Variants in KLHL32 observed in about 807,000 individuals in gnomAD.
KLHL32 encodes the protein kelch-like protein 32.
KLHL32 carries 35 observed loss-of-function variants against 64.8 expected under a neutral mutation model. The ratio of observed to expected loss-of-function variants is 0.54; its 90% CI spans 0.41 to 0.72. The LOEUF (loss-of-function observed/expected upper bound fraction) is 0.72, where lower values mean the gene tolerates loss of function less well. Ranked by LOEUF, KLHL32 falls within the 30% of genes least tolerant of loss-of-function variation. The pLI, the probability that KLHL32 is intolerant of heterozygous loss-of-function variation, is 0.00. For missense variants in KLHL32, 589 were observed against 768.5 expected (o/e 0.77, Z 2.76); for synonymous variants, 259 against 281.0 (o/e 0.92, Z 0.78).
intron 3 of KLHL32, among the ~76,000 whole-genome samples, chr6:96,987,505 A>T (rs923408021): frequency 1.3e-5 from 2 of 152,222 alleles, no homozygotes; most frequent in African/African-American, 4.8e-5. Context: ...AAGAATCAAT[A>T]TCATGAAAAT....
At chr6:96,950,789 G>T (rs1276349728) in intron 1 of KLHL32, among the ~76,000 whole-genome samples, 2 of 152,164 alleles carry the variant, frequency 1.3e-5, no homozygotes, top group African/African-American at 2.4e-5. Flanking sequence ...TGTCCTCTTT[G>T]CCATAGACAT....
the KLHL32 span, among the ~76,000 whole-genome samples, chr6:96,898,389 C>G: frequency 6.6e-6 from 1 of 152,136 alleles, no homozygotes; most frequent in East Asian, 1.9e-4. Context: ...AAAGGATGTT[C>G]CCTTTCGATG....
chr6:97,067,754 A>G (rs1388501147), intron 5 of KLHL32, among the ~76,000 whole-genome samples: 3 of 152,136 alleles, frequency 2.0e-5, no homozygotes, highest in Non-Finnish European at 4.4e-5. Context: ...TACCCTGATC[A>G]TCATTCAGGT....
At chr6:97,062,510 A>T (rs1183872409) in intron 4 of KLHL32, 1 of 152,200 alleles carries the variant, frequency 6.6e-6, no homozygotes. Context: ...GAGTGTTGGT[A>T]TTTTTGCCAC....
At chr6:96,978,410 C>T (rs1418090504) in intron 3 of KLHL32, among the ~76,000 whole-genome samples, 2 of 152,060 alleles carry the variant, frequency 1.3e-5, no homozygotes, top group Non-Finnish European at 2.9e-5. Flanking sequence ...TTTTCTGTTC[C>T]CATGTTAGTT....
intron 3 of KLHL32, among the ~76,000 whole-genome samples, chr6:96,991,242 A>T (rs1264055857): frequency 6.6e-6 from 1 of 151,868 alleles, no homozygotes; most frequent in Non-Finnish European, 1.5e-5. Context: ...CTCCCAGGGA[A>T]ACTTAGAGCC....
intron 4 of KLHL32, among the ~76,000 whole-genome samples, chr6:97,055,796 T>TAAAAAAAAAAAAAAAAAAAAAAAAA: frequency 0.012 from 995 of 80,988 alleles, 198 homozygotes; most frequent in Non-Finnish European, 0.019. Flanking sequence ...AGAACCTGTC[T>TAAAAAAAAAAAAAAAAAAAAAAAAA]AAAAAAAAAA....
intron 6 of KLHL32, among the ~76,000 whole-genome samples, chr6:97,099,699 C>T (rs1287059946): frequency 6.6e-6 from 1 of 152,138 alleles, no homozygotes; most frequent in African/African-American, 2.4e-5. Flanking sequence ...GCCACTTCTC[C>T]CACCCGAACT....
At chr6:97,073,655 G>T (rs1407433455) in intron 5 of KLHL32, among the ~76,000 whole-genome samples, 2 of 152,066 alleles carry the variant, frequency 1.3e-5, no homozygotes, top group African/African-American at 4.8e-5. Context: ...AGCTCCCTAT[G>T]ATAGAAACTT....
Position 96,935,083 on chromosome 6 carries a change from A to G in KLHL32, c.-66+10057A>G, listed in dbSNP as rs935199118. On this transcript the variant is annotated intron_variant, in intron 1 of 10. Coordinates refer to ENST00000369261, the MANE Select transcript of KLHL32 (RefSeq NM_052904.4). Reference sequence around the variant, plus strand: ...CCATTAGACAACTTGGAAGGCATAAATGAATTGCCGACATCTACAAAAATG... The same window carrying G: ...CCATTAGACAACTTGGAAGGCATAAGTGAATTGCCGACATCTACAAAAATG... 3.3e-5 allele frequency among the ~76,000 whole-genome samples: 5 copies of G among 152,082 alleles called. No homozygotes were observed. In the East Asian group the frequency reaches 9.6e-4, roughly 29 times the overall value.
At chr6:97,042,201 T>C (rs1359219969) in intron 4 of KLHL32, among the ~76,000 whole-genome samples, 1 of 152,254 alleles carries the variant, frequency 6.6e-6, no homozygotes, top group Non-Finnish European at 1.5e-5. Flanking sequence ...TTTTATAAAT[T>C]GTTGTTCTTT....
At chr6:97,139,054 T>C in intron 10 of KLHL32, 67 bp from the exon 11 acceptor site, 3 of 1,432,528 alleles carry the variant, frequency 2.1e-6, no homozygotes, top group South Asian at 2.8e-5. Flanking sequence ...ATTTCTTTTA[T>C]GTATACATAG....
At chr6:97,011,802 G>A (rs1223084544) in intron 3 of KLHL32, among the ~76,000 whole-genome samples, 3 of 152,148 alleles carry the variant, frequency 2.0e-5, no homozygotes, top group Non-Finnish European at 4.4e-5. Flanking sequence ...TCTTACTAAG[G>A]AAATAATGAT....
At chr6:97,041,279 G>T (rs1427176916) in intron 3 of KLHL32, among the ~76,000 whole-genome samples, 1 of 152,196 alleles carries the variant, frequency 6.6e-6, no homozygotes, top group Non-Finnish European at 1.5e-5. Flanking sequence ...ATATGGTGAG[G>T]AATGCCATCC....
chr6:96,952,271 T>G (rs1772720224), intron 1 of KLHL32, among the ~76,000 whole-genome samples: 2 of 152,258 alleles, frequency 1.3e-5, no homozygotes, highest in African/African-American at 4.8e-5. Context: ...ATAGCTCATA[T>G]TAATTTCATT....
In KLHL32 at chr6:97,029,481, A is replaced by G. The variant is rs192952849; in HGVS notation, c.205-12011A>G. ...TGCCTAATTATATTTACAGTAATAT[A>G]ATTTTACTGTTTTAGTTTGTCTTGT... On this transcript the variant is annotated intron_variant, in intron 3 of 10. Transcript: ENST00000369261. 2.1e-4 allele frequency among the ~76,000 whole-genome samples: 31 copies of G among 149,970 alleles called. No homozygotes were observed. The Admixed American group carries it at 2.2e-3, about 10-fold the overall frequency.
At chr6:96,949,590 G>T (rs1772324662) in intron 1 of KLHL32, among the ~76,000 whole-genome samples, 1 of 152,040 alleles carries the variant, frequency 6.6e-6, no homozygotes, top group Non-Finnish European at 1.5e-5. Flanking sequence ...TCACAGTGGT[G>T]AGTCCATTTG....
the KLHL32 span, among the ~76,000 whole-genome samples, chr6:96,904,194 T>G: frequency 9.4e-3 from 1,423 of 151,760 alleles, 38 homozygotes; most frequent in African/African-American, 0.033. Context: ...ATACAAAAAT[T>G]TTCCAGGCAT....
chr6:97,085,386 C>T (rs746651484), intron 6 of KLHL32, 45 bp downstream of exon 6: 6 of 1,523,222 alleles, frequency 3.9e-6, no homozygotes, highest in Non-Finnish European at 5.4e-6. Flanking sequence ...AAAAAGCATG[C>T]CGTGATTGGA....
Sources: allele counts gnomAD v4.1 joint callset (sites outside exome capture counted in the v4.1 genomes callset), GRCh38; gene constraint gnomAD v4.1.1; transcripts MANE v1.5; gene names NCBI Gene and HGNC (gene_info 2026-07-23, HGNC 2026-07-21).